Variants in DMD observed in about 807,000 individuals in gnomAD.
The protein encoded by DMD is dystrophin, also known as mutant dystrophin.
A neutral mutation model predicts 330.1 loss-of-function variants in DMD; 63 were observed. The ratio of observed to expected loss-of-function variants is 0.19; its 90% CI spans 0.16 to 0.24. DMD has a LOEUF of 0.24. DMD is among the 10% of genes least tolerant of loss of function. The pLI is 1.00. For synonymous variants in DMD, 1,223 were observed against 959.8 expected (o/e 1.27, Z -5.07); for missense variants, 3,344 against 2,684.1 (o/e 1.25, Z -5.43).
intron 60 of DMD, among the ~76,000 whole-genome samples, chrX:31,421,910 C>T (rs1279767968): frequency 0.031 from 1,952 of 62,637 alleles, 104 homozygotes; most frequent in African/African-American, 0.18. Flanking sequence ...TACACACACA[C>T]ACACATATAT....
intron 7 of DMD, among the ~76,000 whole-genome samples, chrX:32,754,723 T>C (rs775741075): frequency 9.0e-5 from 10 of 111,451 alleles, no homozygotes; most frequent in Non-Finnish European, 1.1e-4. Context: ...ATCTGTAAAA[T>C]ATGAGGTCAA....
chrX:31,337,789 T>C (rs750387303), intron 61 of DMD, among the ~76,000 whole-genome samples: 6 of 112,043 alleles, frequency 5.4e-5, no homozygotes, highest in African/African-American at 1.9e-4. Flanking sequence ...GAAGAATCTG[T>C]CACAATGAGG....
At chrX:33,280,615 T>TA (rs1357168888) in intron 1 of DMD, among the ~76,000 whole-genome samples, 11 of 112,017 alleles carry the variant, frequency 9.8e-5, no homozygotes, top group African/African-American at 3.6e-4. Flanking sequence ...TGATGTTTGT[T>TA]ATTTGATTGT....
intron 7 of DMD, among the ~76,000 whole-genome samples, chrX:32,760,302 T>C (rs1409129767): frequency 9.3e-6 from 1 of 108,050 alleles, no homozygotes; most frequent in Admixed American, 1.0e-4. Flanking sequence ...GTATGCCACA[T>C]AGTATTTAAC....
chrX:32,787,251 A>T (rs12835592), intron 7 of DMD, among the ~76,000 whole-genome samples: 4,579 of 67,839 alleles, frequency 0.067, 79 homozygotes, highest in Non-Finnish European at 0.082. Context: ...TGTGTGTGAG[A>T]GAGAGAGAGA....
intron 59 of DMD, among the ~76,000 whole-genome samples, chrX:31,450,750 C>G (rs1245816853): frequency 8.9e-6 from 1 of 112,065 alleles, no homozygotes; most frequent in Non-Finnish European, 1.9e-5. Context: ...GGCTGGAGAC[C>G]AGCATCAATC....
chrX:31,271,234 A>G (rs1357885532), intron 62 of DMD, among the ~76,000 whole-genome samples: 1 of 111,307 alleles, frequency 9.0e-6, no homozygotes. Flanking sequence ...TCTTGAACAT[A>G]ATGAATTGGA....
At chrX:31,266,159 C>CAAAAAAAAAAAAAAAAAAAA (rs1174153877) in intron 62 of DMD, among the ~76,000 whole-genome samples, 4 of 13,331 alleles carry the variant, frequency 3.0e-4, no homozygotes, top group African/African-American at 3.7e-4. Flanking sequence ...TCCCGAAGGG[C>CAAAAAAAAAAAAAAAAAAAA]AAAAAAAAAA....
intron 60 of DMD, among the ~76,000 whole-genome samples, chrX:31,429,561 C>G (rs1008468456): frequency 8.9e-6 from 1 of 111,774 alleles, no homozygotes; most frequent in Non-Finnish European, 1.9e-5. Context: ...AGACTTAGTA[C>G]AGGGCAGATC....
intron 44 of DMD, among the ~76,000 whole-genome samples, chrX:32,128,059 G>T (rs1268513479): frequency 1.8e-5 from 2 of 112,123 alleles, no homozygotes; most frequent in Non-Finnish European, 3.8e-5. Context: ...TAGGCAATTT[G>T]GAAGTATAGT....
intron 44 of DMD, among the ~76,000 whole-genome samples, chrX:32,186,116 C>T (rs1388860392): frequency 1.8e-5 from 2 of 110,965 alleles, no homozygotes; most frequent in Non-Finnish European, 3.8e-5. Flanking sequence ...AAATTCCCCT[C>T]TGAAGTGAAT....
At chrX:33,111,800 G>A (rs2095341712) in intron 1 of DMD, among the ~76,000 whole-genome samples, 1 of 110,171 alleles carries the variant, frequency 9.1e-6, no homozygotes, top group South Asian at 3.9e-4. Flanking sequence ...AGTAGAGACC[G>A]GGGTTTCACC....
At chrX:32,204,976 A>ATCTCTCTCTCTCTCTCTCTCTCTCTC (rs200970973) in intron 44 of DMD, among the ~76,000 whole-genome samples, 1 of 45,317 alleles carries the variant, frequency 2.2e-5, no homozygotes, top group African/African-American at 7.7e-5. Context: ...CATCCAAGCC[A>ATCTCTCTCTCTCTCTCTCTCTCTCTC]TCTCTCTCTC....
chrX:32,112,725 G>C (rs2096594429), intron 44 of DMD, among the ~76,000 whole-genome samples: 1 of 111,720 alleles, frequency 9.0e-6, no homozygotes, highest in Non-Finnish European at 1.9e-5. Flanking sequence ...ACAAAGATGA[G>C]ATTTGATTTT....
At chrX:31,895,855 T>A (rs1245377618) in intron 47 of DMD, among the ~76,000 whole-genome samples, 1 of 111,910 alleles carries the variant, frequency 8.9e-6, no homozygotes, top group Non-Finnish European at 1.9e-5. Flanking sequence ...GCGGCATAAT[T>A]TTTCTTGGAT....
chrX:31,634,483 A>T (rs2079296897), intron 54 of DMD, among the ~76,000 whole-genome samples: 1 of 111,711 alleles, frequency 9.0e-6, no homozygotes, highest in Non-Finnish European at 1.9e-5. Flanking sequence ...AAATAGATTA[A>T]TCCTCCAAAG....
intron 2 of DMD, among the ~76,000 whole-genome samples, chrX:32,881,604 C>G (rs765225564): frequency 1.8e-5 from 2 of 112,287 alleles, no homozygotes; most frequent in Admixed American, 1.9e-4. Flanking sequence ...AGAGGGCAAA[C>G]TAATTTTGCC....
At chrX:31,609,093 G>A (rs747372135) in intron 55 of DMD, among the ~76,000 whole-genome samples, 1 of 111,847 alleles carries the variant, frequency 8.9e-6, no homozygotes, top group South Asian at 3.7e-4. Flanking sequence ...ATTGTTATCA[G>A]TGATTAACCT....
At chrX:32,364,891 G>T in intron 35 of DMD, 129 bp downstream of exon 35, 1 of 768,137 alleles carries the variant, frequency 1.3e-6, no homozygotes, top group Non-Finnish European at 1.9e-6. Flanking sequence ...TATTGTTATA[G>T]ATATTGAATT....
Sources: allele counts gnomAD v4.1 joint callset (sites outside exome capture counted in the v4.1 genomes callset), GRCh38; gene constraint gnomAD v4.1.1; transcripts MANE v1.5; gene names NCBI Gene and HGNC (gene_info 2026-07-23, HGNC 2026-07-21).